PALM2AKAP2: variants seen among roughly 807,000 people sequenced by gnomAD.
The protein encoded by PALM2AKAP2 is PALM2-AKAP2 fusion protein.
Under a neutral mutation model 71.5 loss-of-function variants are expected in PALM2AKAP2, and 37 were observed. The observed-to-expected ratio is 0.52, with a 90% CI of 0.40 to 0.68. The LOEUF (loss-of-function observed/expected upper bound fraction) is 0.68, where lower values mean the gene tolerates loss of function less well. PALM2AKAP2 is among the 30% of genes least tolerant of loss of function. The pLI is 0.00. For missense variants in PALM2AKAP2, 1,224 were observed against 1,191.8 expected, an observed-to-expected ratio of 1.03 and a Z score of -0.40; for synonymous variants, 468 against 478.8, an observed-to-expected ratio of 0.98 and a Z score of 0.29.
intron 1 of PALM2AKAP2, among the ~76,000 whole-genome samples, chr9:109,700,387 C>T (rs760811666): frequency 5.3e-5 from 8 of 152,276 alleles, no homozygotes; most frequent in South Asian, 2.1e-4. Flanking sequence ...GCTCCTCCTT[C>T]GCCTTCCGCC....
intron 1 of PALM2AKAP2, among the ~76,000 whole-genome samples, chr9:109,820,073 A>G (rs1827956854): frequency 6.6e-6 from 1 of 152,194 alleles, no homozygotes; most frequent in African/African-American, 2.4e-5. Context: ...ACTTACACAT[A>G]CCTTATGTAA....
At chr9:109,643,308 C>T (rs899107225) in intron 1 of PALM2AKAP2, among the ~76,000 whole-genome samples, 10 of 152,216 alleles carry the variant, frequency 6.6e-5, no homozygotes, top group Non-Finnish European at 1.3e-4. Flanking sequence ...CTGTCCTTTA[C>T]AAGAGACTGA....
At chr9:109,762,580 A>G (rs1829072477) in intron 1 of PALM2AKAP2, among the ~76,000 whole-genome samples, 1 of 152,226 alleles carries the variant, frequency 6.6e-6, no homozygotes, top group South Asian at 2.1e-4. Context: ...GGCAATGTCC[A>G]CATGGAAGTG....
At chr9:109,686,271 GA>G (rs1827804495) in intron 1 of PALM2AKAP2, among the ~76,000 whole-genome samples, 1 of 152,178 alleles carries the variant, frequency 6.6e-6, no homozygotes, top group Admixed American at 6.5e-5. Context: ...ATCCTTTCCA[GA>G]AGGTTTTCAA....
At chr9:110,003,124 A>G (rs1412722066) in intron 6 of PALM2AKAP2, among the ~76,000 whole-genome samples, 1 of 152,092 alleles carries the variant, frequency 6.6e-6, no homozygotes, top group African/African-American at 2.4e-5. Context: ...TTGTGATGTT[A>G]GGGTGTCAAT....
At chr9:109,931,593 A>G (rs1263075013) in intron 5 of PALM2AKAP2, among the ~76,000 whole-genome samples, 1 of 152,128 alleles carries the variant, frequency 6.6e-6, no homozygotes, top group African/African-American at 2.4e-5. Context: ...TGTCAATCCC[A>G]CCAAGTTGAT....
Position 109,758,067 on chromosome 9 carries a change from C to A in PALM2AKAP2, c.6-22421C>A, listed in dbSNP as rs1259903015. On this transcript the variant is annotated intron_variant, in intron 1 of 6. Coordinates refer to the PALM2AKAP2 transcript ENST00000374531. ...CAGGGATAGTCCAAGTATATACAAG[C>A]AAATACAGCCATACATTCTCCAATC... Among the ~76,000 whole-genome samples, 4 of 151,980 alleles carry A rather than the reference C, an allele frequency of 2.6e-5. 1 individual carries two copies. Among genetic ancestry groups the A allele is most frequent in the Admixed American group, 2.0e-4 (3 of 15,242 alleles).
At chr9:109,662,628 C>CTT (rs201821797) in intron 1 of PALM2AKAP2, among the ~76,000 whole-genome samples, 6 of 151,792 alleles carry the variant, frequency 4.0e-5, no homozygotes, top group African/African-American at 7.2e-5. Context: ...CTAAAATTCT[C>CTT]TTTTTTTTGT....
intron 3 of PALM2AKAP2, among the ~76,000 whole-genome samples, chr9:109,922,147 C>T (rs1234712322): frequency 2.0e-5 from 3 of 152,032 alleles, no homozygotes; most frequent in East Asian, 1.9e-4. Flanking sequence ...GGGCCAGGCA[C>T]GGTGGCTCAC....
chr9:109,836,923 G>A (rs200486329), intron 1 of PALM2AKAP2, among the ~76,000 whole-genome samples: 7 of 152,294 alleles, frequency 4.6e-5, no homozygotes, highest in South Asian at 2.1e-4. Context: ...TGAAAGTGAC[G>A]GGGAGAATGG....
chr9:109,977,031 TA>T lies in PALM2AKAP2; in HGVS notation c.497-38911del, dbSNP rs372182036. Reference sequence around the variant, plus strand: ...ATCCAGTTCACCTGAAGGGCTTGTTTAAAAAAAAAAAAGCAAGCAGATTTCT... The same window carrying T: ...ATCCAGTTCACCTGAAGGGCTTGTTTAAAAAAAAAAAGCAAGCAGATTTCT... On this transcript the variant is annotated intron_variant, in intron 6 of 9. Transcript: ENST00000302798. Among the ~76,000 whole-genome samples, 311 of 144,294 alleles carry T rather than the reference TA, an allele frequency of 2.2e-3. 1 individual carries two copies. Among genetic ancestry groups the T allele is most frequent in the African/African-American group, 4.0e-3 (157 of 39,450 alleles). 94.7% of individuals were successfully genotyped at this position (144,294 alleles called of 152,430 possible).
At chr9:110,095,701 C>T (rs925051653) in intron 1 of PALM2AKAP2, among the ~76,000 whole-genome samples, 1 of 152,156 alleles carries the variant, frequency 6.6e-6, no homozygotes, top group African/African-American at 2.4e-5. Flanking sequence ...TAATTCTTCC[C>T]TTCCATTGCC....
In PALM2AKAP2 at chr9:109,813,198, C is replaced by G. The variant is rs1827768001; in HGVS notation, c.45+32665C>G. Among the ~76,000 whole-genome samples the G allele has an allele frequency of 4.6e-5, 7 of 152,236 alleles. No individual in the cohort carries two copies. The South Asian group carries it at 1.5e-3, about 32-fold the overall frequency. The stretch of plus-strand genomic sequence containing the variant: ...GCAGACTATCAATGACCTAGATTAC[C>G]CCAGTTTTCCCACAGGAAGTGAAAG... On this transcript the variant is annotated intron_variant, in intron 1 of 9. Coordinates refer to the PALM2AKAP2 transcript ENST00000302798.
intron 7 of PALM2AKAP2, among the ~76,000 whole-genome samples, chr9:110,028,628 G>A (rs1328154359): frequency 6.6e-6 from 1 of 152,108 alleles, no homozygotes; most frequent in East Asian, 1.9e-4. Flanking sequence ...TAGCCTCTCT[G>A]TTTGGGTTTT....
At chr9:109,921,536 A>C (rs1463666758) in intron 3 of PALM2AKAP2, among the ~76,000 whole-genome samples, 2 of 152,220 alleles carry the variant, frequency 1.3e-5, no homozygotes, top group Non-Finnish European at 2.9e-5. Flanking sequence ...ACTTGATAAG[A>C]CTTCTGATAA....
chr9:109,992,786 A>G (rs990321415), intron 6 of PALM2AKAP2, among the ~76,000 whole-genome samples: 7 of 152,124 alleles, frequency 4.6e-5, no homozygotes, highest in African/African-American at 1.7e-4. Flanking sequence ...TCCTAATGCT[A>G]TGAGTCCTGT....
intron 7 of PALM2AKAP2, among the ~76,000 whole-genome samples, chr9:110,019,783 C>G (rs1400301519): frequency 6.6e-6 from 1 of 152,026 alleles, no homozygotes; most frequent in Non-Finnish European, 1.5e-5. Flanking sequence ...ACTGGGGACT[C>G]TAAAAGAAGG....
At chr9:109,649,156 G>T (rs1375666827) in intron 1 of PALM2AKAP2, among the ~76,000 whole-genome samples, 3 of 145,760 alleles carry the variant, frequency 2.1e-5, no homozygotes, top group Non-Finnish European at 4.6e-5. Flanking sequence ...TTGTGTTGTT[G>T]TTTTTTTTTT....
At chr9:110,170,335 T>C (rs994200497) in exon 4 of PALM2AKAP2, 1 of 152,662 alleles carries the variant, frequency 6.6e-6, no homozygotes, top group African/African-American at 2.4e-5. Flanking sequence ...TGTCATAAGC[T>C]CTATTATGTT....
Sources: allele counts gnomAD v4.1 joint callset (sites outside exome capture counted in the v4.1 genomes callset), GRCh38; gene constraint gnomAD v4.1.1; transcripts MANE v1.5; gene names NCBI Gene and HGNC (gene_info 2026-07-23, HGNC 2026-07-21).